The following HS6ST3 variants were observed in gnomAD, a reference collection of about 807,000 sequenced individuals.
The protein encoded by HS6ST3 is heparan sulfate 6-O-sulfotransferase 3, also known as heparan-sulfate 6-O-sulfotransferase 3.
In HS6ST3, 12 loss-of-function variants were observed where a neutral mutation model predicts 36.7. That is an observed-to-expected ratio of 0.33 (90% CI 0.21 to 0.53). The LOEUF (loss-of-function observed/expected upper bound fraction) is 0.53. HS6ST3 is among the 20% of genes least tolerant of loss of function. HS6ST3 has a pLI of 0.95. For missense variants in HS6ST3, 584 were observed against 640.9 expected, an observed-to-expected ratio of 0.91 and a Z score of 0.96; for synonymous variants, 240 against 257.5, an observed-to-expected ratio of 0.93 and a Z score of 0.65.
chr13:96,322,385 A>G (rs1193052990), intron 1 of HS6ST3, among the ~76,000 whole-genome samples: 1 of 5,280 alleles, frequency 1.9e-4, no homozygotes, highest in Non-Finnish European at 3.4e-4. Context: ...TCTCTCCAGA[A>G]AAAAAAAAAA....
chr13:96,157,578 T>C (rs970679269), intron 1 of HS6ST3, among the ~76,000 whole-genome samples: 5 of 152,222 alleles, frequency 3.3e-5, no homozygotes. Flanking sequence ...CAGTAAGCAG[T>C]TGGCTGACTT....
chr13:96,123,153 C>T (rs2053934333), intron 1 of HS6ST3, among the ~76,000 whole-genome samples: 1 of 152,206 alleles, frequency 6.6e-6, no homozygotes, highest in Non-Finnish European at 1.5e-5. Flanking sequence ...ATTGTGATGT[C>T]ACCATGTTTC....
At chr13:96,115,445 T>G (rs2053889603) in intron 1 of HS6ST3, among the ~76,000 whole-genome samples, 1 of 152,132 alleles carries the variant, frequency 6.6e-6, no homozygotes, top group African/African-American at 2.4e-5. Context: ...TTCCCCACCC[T>G]GTGTCCAGGG....
In HS6ST3 at chr13:96,308,556, G is replaced by A. The variant is rs573880549; in HGVS notation, c.707+216987G>A. On this transcript the variant is annotated intron_variant, in intron 1 of 1. Transcript: ENST00000376705. ...GACTTATGTAAAAGACTTTAACGGT[G>A]GAAAAGACTTATTTAAATCCATCTT... is the stretch of plus-strand genomic sequence containing the variant. 2.0e-5 allele frequency among the ~76,000 whole-genome samples: 3 copies of A among 152,128 alleles called. No homozygotes were observed. The South Asian group carries it at 6.2e-4, about 32-fold the overall frequency.
chr13:96,769,156 G>T lies in HS6ST3; in HGVS notation c.708-63334G>T, dbSNP rs531810487. On this transcript the variant is annotated intron_variant, in intron 1 of 1. Coordinates refer to ENST00000376705, the MANE Select transcript of HS6ST3 (RefSeq NM_153456.4). Reference sequence around the variant, plus strand: ...CACACACAATCTGCTTTTATTTAAGGCAGGGGATTTGGTAGGTTCATTTCA... The same window carrying T: ...CACACACAATCTGCTTTTATTTAAGTCAGGGGATTTGGTAGGTTCATTTCA... 2.0e-5 allele frequency among the ~76,000 whole-genome samples: 3 copies of T among 152,140 alleles called. No individual in the cohort carries two copies. In the East Asian group the frequency reaches 5.8e-4, roughly 30 times the overall value.
chr13:96,281,964 G>A (rs2054778017), intron 1 of HS6ST3, among the ~76,000 whole-genome samples: 1 of 152,158 alleles, frequency 6.6e-6, no homozygotes, highest in South Asian at 2.1e-4. Context: ...AAGAGCACTG[G>A]TCATGATAAT....
chr13:96,684,393 A>G (rs1217104859), intron 1 of HS6ST3, among the ~76,000 whole-genome samples: 3 of 152,078 alleles, frequency 2.0e-5, no homozygotes, highest in Non-Finnish European at 4.4e-5. Context: ...CATTAGTGTT[A>G]ATATTTGACA....
chr13:96,437,900 A>G (rs1046128074), intron 1 of HS6ST3, among the ~76,000 whole-genome samples: 3 of 152,184 alleles, frequency 2.0e-5, no homozygotes, highest in African/African-American at 7.2e-5. Context: ...TCTCTTTTCT[A>G]ATTTTTCTTT....
intron 1 of HS6ST3, among the ~76,000 whole-genome samples, chr13:96,516,241 T>C (rs1277184426): frequency 6.6e-6 from 1 of 151,938 alleles, no homozygotes; most frequent in Admixed American, 6.6e-5. Context: ...TTTTTCTGTA[T>C]TTTTAGTAGA....
intron 1 of HS6ST3, among the ~76,000 whole-genome samples, chr13:96,583,715 G>A (rs9556607): frequency 5.3e-5 from 8 of 152,022 alleles, no homozygotes. Flanking sequence ...TCTTTGCTTA[G>A]AATGCTGTTT....
chr13:96,306,576 C>T (rs1384005871), intron 1 of HS6ST3, among the ~76,000 whole-genome samples: 5 of 152,018 alleles, frequency 3.3e-5, no homozygotes, highest in Non-Finnish European at 5.9e-5. Context: ...AGATTCTGTC[C>T]CTTTTAGAGT....
At chr13:96,603,722 T>C (rs2056429449) in intron 1 of HS6ST3, among the ~76,000 whole-genome samples, 1 of 152,198 alleles carries the variant, frequency 6.6e-6, no homozygotes, top group Non-Finnish European at 1.5e-5. Context: ...AATGCAATAA[T>C]TTATACGATC....
chr13:96,778,732 T>C (rs1877455742), intron 1 of HS6ST3, among the ~76,000 whole-genome samples: 1 of 152,090 alleles, frequency 6.6e-6, no homozygotes, highest in African/African-American at 2.4e-5. Context: ...GGAGAGTAAA[T>C]TAGTTCAACC....
chr13:96,526,005 T>C (rs7325688), intron 1 of HS6ST3, among the ~76,000 whole-genome samples: 119,323 of 152,108 alleles, frequency 0.78, 48,783 homozygotes, highest in Non-Finnish European at 0.9. Context: ...ACAAACTGAG[T>C]GAAGAGGAAG....
intron 1 of HS6ST3, among the ~76,000 whole-genome samples, chr13:96,350,676 G>A (rs552981168): frequency 1.3e-5 from 2 of 152,270 alleles, no homozygotes; most frequent in South Asian, 2.1e-4. Context: ...ACTTTACCTA[G>A]TTGTTATTTT....
chr13:96,669,086 T>C (rs1419341398), intron 1 of HS6ST3, among the ~76,000 whole-genome samples: 2 of 152,280 alleles, frequency 1.3e-5, no homozygotes, highest in East Asian at 1.9e-4. Context: ...AAACCTGTTA[T>C]TTGTGGTAGA....
chr13:96,720,002 T>C (rs528212578), intron 1 of HS6ST3, among the ~76,000 whole-genome samples: 1 of 152,148 alleles, frequency 6.6e-6, no homozygotes, highest in Non-Finnish European at 1.5e-5. Context: ...GCTAACAAAT[T>C]GCAGGGTGCA....
chr13:96,817,799 A>T (rs1878452885), intron 1 of HS6ST3, among the ~76,000 whole-genome samples: 1 of 152,170 alleles, frequency 6.6e-6, no homozygotes, highest in South Asian at 2.1e-4. Flanking sequence ...TCACCAAGAG[A>T]AATAATCAAC....
chr13:96,333,487 T>A (rs1021055816), intron 1 of HS6ST3, among the ~76,000 whole-genome samples: 1 of 152,070 alleles, frequency 6.6e-6, no homozygotes, highest in African/African-American at 2.4e-5. Flanking sequence ...GGGAGCTGAG[T>A]CTCTCTCCTC....
Sources: gnomAD v4.1 joint callset for allele counts (sites outside exome capture counted in the v4.1 genomes callset) on GRCh38, gnomAD v4.1.1 for gene constraint, MANE v1.5 for transcripts, NCBI Gene and HGNC (gene_info 2026-07-23, HGNC 2026-07-21) for gene names.